The following SHC4 variants were observed in gnomAD, a reference collection of about 807,000 sequenced individuals.
The protein encoded by SHC4 is SHC adaptor protein 4.
In SHC4, 41 loss-of-function variants were observed where a neutral mutation model predicts 69.4. That is an observed-to-expected ratio of 0.59 (90% confidence interval 0.46 to 0.77). SHC4 has a LOEUF of 0.77. Ranked by LOEUF, SHC4 falls within the 30% of genes least tolerant of loss-of-function variation. The pLI, the probability that SHC4 is intolerant of heterozygous loss-of-function variation, is 0.00. For synonymous variants in SHC4, 318 were observed against 299.3 expected (o/e 1.06, Z -0.64); for missense variants, 777 against 783.8 (o/e 0.99, Z 0.10).
intron 4 of SHC4, 70 bp downstream of exon 4, chr15:48,884,178 C>A: frequency 2.7e-6 from 4 of 1,468,854 alleles, no homozygotes; most frequent in Non-Finnish European, 3.6e-6. Flanking sequence ...AAACTTTATT[C>A]TTTTCATTAT....
intron 1 of SHC4, among the ~76,000 whole-genome samples, chr15:48,948,628 G>A (rs1355411213): frequency 6.6e-6 from 1 of 152,234 alleles, no homozygotes; most frequent in Non-Finnish European, 1.5e-5. Context: ...ACACTGGGCT[G>A]GGCGAAGTGG....
chr15:48,922,299 AAAAG>A (rs1242641523), intron 2 of SHC4, among the ~76,000 whole-genome samples: 19 of 152,230 alleles, frequency 1.2e-4, no homozygotes, highest in Non-Finnish European at 2.6e-4. Flanking sequence ...ATTCGAGTGA[AAAAG>A]AAAGAATCAA....
intron 4 of SHC4, chr15:48,876,821 C>A: frequency 5.7e-6 from 2 of 352,980 alleles, no homozygotes; most frequent in Non-Finnish European, 1.1e-5. Context: ...ATGTTAATCT[C>A]CTTTGGCAAC....
Position 48,962,780 on chromosome 15 carries a change from C to A in SHC4, c.236G>T (p.Ser79Ile). 6.2e-7 allele frequency: 1 copy of A among 1,612,410 alleles called. No homozygotes were observed. Among genetic ancestry groups the A allele is most frequent in the Non-Finnish European group, 8.5e-7 (1 of 1,179,850 alleles). ...GATCAAGGTGCACAGTGGGGTGGGG[C>A]TCTCCTGCGACGGCAAGGTGGCATC... ...TEDATLPSQE[S>I]PTPLCTLIPR... is the part of the protein sequence containing the mutation. Residue 79 changes from serine (S) to isoleucine (I), a missense_variant, in exon 1 of 12, where the codon AGC becomes ATC. Transcript: ENST00000332408.
At chr15:48,907,597 A>C (rs1463430335) in intron 2 of SHC4, among the ~76,000 whole-genome samples, 1 of 151,562 alleles carries the variant, frequency 6.6e-6, no homozygotes, top group Non-Finnish European at 1.5e-5. Flanking sequence ...AGTCCATTGC[A>C]TCATTCTCAT....
chr15:48,852,372 T>C (rs1899231138), intron 8 of SHC4, among the ~76,000 whole-genome samples: 1 of 152,224 alleles, frequency 6.6e-6, no homozygotes, highest in Non-Finnish European at 1.5e-5. Flanking sequence ...GATGGATCAA[T>C]GTATGATAAT....
At chr15:48,926,968 C>T (rs1263520453) in intron 1 of SHC4, among the ~76,000 whole-genome samples, 2 of 152,138 alleles carry the variant, frequency 1.3e-5, no homozygotes, top group South Asian at 2.1e-4. Context: ...GTCCCCATCA[C>T]ACTAGTAAGA....
At chr15:48,923,646 T>C (rs1339530191) in intron 2 of SHC4, among the ~76,000 whole-genome samples, 1 of 146,814 alleles carries the variant, frequency 6.8e-6, no homozygotes, top group Non-Finnish European at 1.5e-5. Flanking sequence ...TTTTTTTTTT[T>C]TTTTTTTTTT....
rs902118066 is a variant in SHC4 at position 48,962,964 on chromosome 15, G to A, written c.52C>T (p.Leu18Phe). ...SLAGLVLYVGLFGHPGMLHRA... is the reference protein window; with the variant it reads ...SLAGLVLYVGFFGHPGMLHRA... ...TGCAGCATCCCGGGGTGCCCGAAGA[G>A]TCCTACATACAGCACGAGTCCTGCC... The change falls in exon 1 of 12, where the codon CTC becomes TTC. Residue 18 changes from leucine (L) to phenylalanine (F), a missense_variant. By Grantham distance (22) the Leu-to-Phe change is conservative. Transcript: ENST00000332408. The A allele has an allele frequency of 2.5e-6, 4 of 1,612,888 alleles. No homozygotes were observed. Among genetic ancestry groups the A allele is most frequent in the African/African-American group, 1.3e-5 (1 of 74,942 alleles).
At position 48,848,039 on chromosome 15, in the gene SHC4, A is replaced by C. The variant is rs904841391; in HGVS notation, c.1303+3149T>G. ...AAAACAAAAAAAACAAACAAAAAAA[A>C]CATAAAAACATATGCCCAAGTAATC... On this transcript the variant is annotated intron_variant, in intron 9 of 11. Transcript: ENST00000332408. 2.6e-5 allele frequency among the ~76,000 whole-genome samples: 4 copies of C among 151,786 alleles called. No individual in the cohort carries two copies. In the South Asian group the frequency reaches 8.3e-4, roughly 32 times the overall value.
Position 48,871,726 on chromosome 15 carries a change from GAGA to G in SHC4, c.894+360_894+362del, listed in dbSNP as rs753439489. 8.5e-5 allele frequency among the ~76,000 whole-genome samples: 13 copies of G among 152,154 alleles called. 1 individual carries two copies. Among genetic ancestry groups the G allele is most frequent in the South Asian group, 6.2e-4 (3 of 4,830 alleles). ...TAAAGTGTTCCAGAAACTCTGTGTT[GAGA>G]AGAATTCTAAGGAAGGATTGAGCAA... On this transcript the variant is annotated intron_variant, in intron 5 of 11. Coordinates refer to ENST00000332408, the MANE Select transcript of SHC4 (RefSeq NM_203349.4).
chr15:48,883,015 G>C (rs1299819130), intron 4 of SHC4, among the ~76,000 whole-genome samples: 1 of 151,898 alleles, frequency 6.6e-6, no homozygotes, highest in South Asian at 2.1e-4. Context: ...TTTCCTCTAA[G>C]GTGTTGTATA....
chr15:48,959,676 T>A (rs1048653301), intron 1 of SHC4, among the ~76,000 whole-genome samples: 4 of 152,260 alleles, frequency 2.6e-5, no homozygotes, highest in Non-Finnish European at 4.4e-5. Context: ...TGATTTAAAA[T>A]TTTTTATGTG....
At chr15:48,886,621 C>T (rs776858030) in intron 3 of SHC4, among the ~76,000 whole-genome samples, 1 of 152,168 alleles carries the variant, frequency 6.6e-6, no homozygotes, top group Admixed American at 6.5e-5. Context: ...AGGATTAATA[C>T]TACTATCACT....
At chr15:48,844,044 T>C (rs1899042870) in intron 9 of SHC4, among the ~76,000 whole-genome samples, 4 of 152,206 alleles carry the variant, frequency 2.6e-5, no homozygotes, top group Non-Finnish European at 2.9e-5. Flanking sequence ...TTATTCCCTG[T>C]GAACTAAATT....
chr15:48,824,139 CA>C lies in SHC4; in HGVS notation c.*1831del, dbSNP rs1449872447. Reference sequence around the variant, plus strand: ...GATCCCCTTTTTAAGGACAAACGATCAAGACCTAAGGTATATGGAAAACTGG... The same window carrying C: ...GATCCCCTTTTTAAGGACAAACGATCAGACCTAAGGTATATGGAAAACTGG... On this transcript the variant is annotated 3_prime_UTR_variant, in exon 12 of 12. Coordinates refer to ENST00000332408, the MANE Select transcript of SHC4 (RefSeq NM_203349.4). The C allele has an allele frequency of 6.6e-6, 1 of 152,128 alleles. No individual in the cohort carries two copies. Among genetic ancestry groups the C allele is most frequent in the Non-Finnish European group, 1.5e-5 (1 of 68,020 alleles). 9.4% of individuals were successfully genotyped at this position (152,128 alleles called of 1,614,324 possible). A position where few individuals can be genotyped will look rare whatever the true frequency, so the allele number is the denominator to read the frequency against.
intron 2 of SHC4, among the ~76,000 whole-genome samples, chr15:48,924,643 T>C (rs761546960): frequency 6.6e-6 from 1 of 152,236 alleles, no homozygotes; most frequent in Non-Finnish European, 1.5e-5. Context: ...TTCTGTAGAC[T>C]GTATCATCTT....
At chr15:48,946,800 A>T (rs1053211648) in intron 1 of SHC4, among the ~76,000 whole-genome samples, 2 of 152,238 alleles carry the variant, frequency 1.3e-5, no homozygotes, top group Admixed American at 6.5e-5. Flanking sequence ...TGCTTGTCAT[A>T]AAAGATAAAA....
At chr15:48,872,954 G>A (rs1419661987) in intron 4 of SHC4, among the ~76,000 whole-genome samples, 1 of 152,176 alleles carries the variant, frequency 6.6e-6, no homozygotes, top group African/African-American at 2.4e-5. Flanking sequence ...TTGTGTGACA[G>A]AATCTACCAA....
Sources: allele counts gnomAD v4.1 joint callset (sites outside exome capture counted in the v4.1 genomes callset), GRCh38; gene constraint gnomAD v4.1.1; transcripts MANE v1.5; gene names NCBI Gene and HGNC (gene_info 2026-07-23, HGNC 2026-07-21).